MRTFA: variants seen among roughly 807,000 people sequenced by gnomAD.
MRTFA encodes the protein myocardin related transcription factor A, also known as myocardin-related transcription factor A.
A neutral mutation model predicts 83.5 loss-of-function variants in MRTFA; 20 were observed. The observed-to-expected ratio is 0.24, with a 90% confidence interval of 0.17 to 0.35. The LOEUF (loss-of-function observed/expected upper bound fraction) is 0.35. MRTFA is among the 10% of genes least tolerant of loss of function. MRTFA has a pLI of 1.00. For synonymous variants in MRTFA, 659 were observed against 541.2 expected, an observed-to-expected ratio of 1.22 and a Z score of -3.02; for missense variants, 1,200 against 1,224.7, an observed-to-expected ratio of 0.98 and a Z score of 0.30.
At chr22:40,478,538 T>C (rs2054035932) in intron 3 of MRTFA, among the ~76,000 whole-genome samples, 1 of 152,186 alleles carries the variant, frequency 6.6e-6, no homozygotes, top group South Asian at 2.1e-4. Context: ...GAGAGCAAAC[T>C]GTTTTCCTTT....
chr22:40,597,432 G>C (rs767286420), intron 1 of MRTFA, among the ~76,000 whole-genome samples: 1 of 152,140 alleles, frequency 6.6e-6, no homozygotes, highest in East Asian at 1.9e-4. Flanking sequence ...ATAAATGAAA[G>C]GTAAACTAAT....
At chr22:40,485,494 T>C (rs769595575) in intron 3 of MRTFA, among the ~76,000 whole-genome samples, 2 of 151,890 alleles carry the variant, frequency 1.3e-5, no homozygotes, top group Non-Finnish European at 2.9e-5. Flanking sequence ...GAGTATCAGA[T>C]TAAAAAAAAT....
At chr22:40,587,196 G>C in intron 2 of MRTFA, 1 of 460,906 alleles carries the variant, frequency 2.2e-6, no homozygotes, top group Non-Finnish European at 4.4e-6. Flanking sequence ...AGTTACTCTT[G>C]AGGAAACAGC....
chr22:40,602,933 G>T (rs528977734), intron 1 of MRTFA, among the ~76,000 whole-genome samples: 1 of 152,308 alleles, frequency 6.6e-6, no homozygotes, highest in East Asian at 1.9e-4. Flanking sequence ...AGAAAGCACA[G>T]TTCTAGTCCA....
At chr22:40,532,625 A>T (rs533435427) in intron 3 of MRTFA, among the ~76,000 whole-genome samples, 87 of 152,314 alleles carry the variant, frequency 5.7e-4, no homozygotes, top group Non-Finnish European at 1.0e-3. Flanking sequence ...CCTGATCATA[A>T]GCTTTATTAA....
chr22:40,424,402 G>A (rs765931992), intron 7 of MRTFA, 21 bp from the exon 8 acceptor site: 2 of 1,610,734 alleles, frequency 1.2e-6, no homozygotes, highest in East Asian at 2.2e-5. Context: ...AAGCTGGTGT[G>A]AGATTCCACT....
intron 3 of MRTFA, among the ~76,000 whole-genome samples, chr22:40,477,477 CT>C (rs1297367801): frequency 2.6e-5 from 4 of 152,064 alleles, no homozygotes; most frequent in African/African-American, 4.8e-5. Flanking sequence ...GTAACTTTAT[CT>C]TTTTTTCCTC....
At chr22:40,508,633 T>G (rs1024725219) in intron 3 of MRTFA, among the ~76,000 whole-genome samples, 3 of 151,778 alleles carry the variant, frequency 2.0e-5, no homozygotes, top group African/African-American at 7.3e-5. Context: ...TGTCTCTCAA[T>G]TGGAAGTTTC....
Position 40,421,119 on chromosome 22 carries a change from G to T in MRTFA, c.928-19C>A. The T allele has an allele frequency of 6.6e-7, 1 of 1,512,720 alleles. No homozygotes were observed. The highest frequency in any genetic ancestry group is 1.3e-5 in the South Asian group (1 of 75,050). The allele number at this position is 1,512,720 out of a possible 1,614,324, so 93.7% of individuals were successfully genotyped here. A position where few individuals can be genotyped will look rare whatever the true frequency, so the allele number is the denominator to read the frequency against. On this transcript the variant is annotated intron_variant, in intron 9 of 14. Transcript: ENST00000355630. ...GGCTTTGCTGAGGGCACAGGAGACA[G>T]GGTGCCATTCAGGGGCAGCCTCAGG... is the stretch of plus-strand genomic sequence containing the variant.
intron 1 of MRTFA, among the ~76,000 whole-genome samples, chr22:40,613,703 A>T (rs73169065): frequency 0.1 from 15,612 of 151,676 alleles, 956 homozygotes; most frequent in East Asian, 0.25. Context: ...AAAAAAAAAA[A>T]TTTTTCCAGC....
intron 11 of MRTFA, among the ~76,000 whole-genome samples, chr22:40,419,989 G>A (rs949447245): frequency 6.6e-6 from 1 of 152,186 alleles, no homozygotes; most frequent in Admixed American, 6.5e-5. Context: ...GTTGCTACTG[G>A]ACAGTCCTGT....
chr22:40,539,368 C>G (rs1187711968), intron 3 of MRTFA, among the ~76,000 whole-genome samples: 2 of 142,622 alleles, frequency 1.4e-5, no homozygotes, highest in Admixed American at 7.1e-5. Flanking sequence ...GAGACAGAAT[C>G]TTGCTCTGTC....
At chr22:40,448,273 G>A (rs1206287607) in intron 4 of MRTFA, among the ~76,000 whole-genome samples, 1 of 152,128 alleles carries the variant, frequency 6.6e-6, no homozygotes, top group Non-Finnish European at 1.5e-5. Context: ...TCACACCACT[G>A]CACTCCAGCC....
At chr22:40,620,677 C>G (rs73169072) in intron 1 of MRTFA, among the ~76,000 whole-genome samples, 8 of 151,968 alleles carry the variant, frequency 5.3e-5, no homozygotes, top group Admixed American at 4.6e-4. Flanking sequence ...CTGAAGGGAT[C>G]AGGAGTGTGA....
At position 40,495,560 on chromosome 22, in the gene MRTFA, A is replaced by G. The variant is rs5995868; in HGVS notation, c.242-32274T>C. Among the ~76,000 whole-genome samples the G allele has an allele frequency of 7.6e-3, 1,144 of 150,546 alleles. 25 individuals carry two copies. In the Middle Eastern group the frequency reaches 0.077, roughly 10 times the overall value. On this transcript the variant is annotated intron_variant, in intron 3 of 14. Coordinates refer to ENST00000355630, the MANE Select transcript of MRTFA (RefSeq NM_020831.6). ...GAACACTTGAGGTCAGGAGTTTGAG[A>G]CCAGCCTGGCCAACATGGTGTAACA...
chr22:40,628,054 T>TA (rs1768538380), intron 1 of MRTFA, among the ~76,000 whole-genome samples: 1 of 152,224 alleles, frequency 6.6e-6, no homozygotes, highest in South Asian at 2.1e-4. Context: ...ATCTGCAAAA[T>TA]GCTGCTACTA....
intron 3 of MRTFA, among the ~76,000 whole-genome samples, chr22:40,480,140 C>T (rs992411205): frequency 4.6e-5 from 7 of 152,044 alleles, no homozygotes; most frequent in African/African-American, 7.3e-5. Flanking sequence ...AGGTTTAGAC[C>T]GATTAAGCAA....
intron 7 of MRTFA, among the ~76,000 whole-genome samples, chr22:40,424,885 C>T (rs921664775): frequency 2.0e-5 from 3 of 152,162 alleles, no homozygotes; most frequent in African/African-American, 7.2e-5. Flanking sequence ...TGGGTAACAG[C>T]CCTGTGAGTG....
chr22:40,633,528 C>T (rs1022412495), intron 1 of MRTFA, among the ~76,000 whole-genome samples: 1 of 152,106 alleles, frequency 6.6e-6, no homozygotes, highest in Non-Finnish European at 1.5e-5. Context: ...GCTGCACTCT[C>T]AAAGAAAGTT....
Sources: allele counts gnomAD v4.1 joint callset (sites outside exome capture counted in the v4.1 genomes callset), GRCh38; gene constraint gnomAD v4.1.1; transcripts MANE v1.5; gene names NCBI Gene and HGNC (gene_info 2026-07-23, HGNC 2026-07-21).